Variants in SEC61A2 observed in about 807,000 individuals in gnomAD.
SEC61A2 encodes the protein protein transport protein Sec61 subunit alpha isoform 2.
A neutral mutation model predicts 59.9 loss-of-function variants in SEC61A2; 28 were observed. The observed-to-expected ratio is 0.47, with a 90% CI of 0.35 to 0.64. SEC61A2 has a LOEUF of 0.64. Ranked by LOEUF, SEC61A2 falls within the 30% of genes least tolerant of loss-of-function variation. SEC61A2 has a pLI of 0.01. For missense variants in SEC61A2, 340 were observed against 585.9 expected (o/e 0.58, Z 4.33); for synonymous variants, 202 against 214.4 (o/e 0.94, Z 0.50).
Position 12,165,294 on chromosome 10 carries a change from G to A in SEC61A2, c.*840G>A. ...ATGAATATATTCATGCTAGGAATTT[G>A]TGTCTGTTGTTGTACTCACAGCAGC... On this transcript the variant is annotated 3_prime_UTR_variant, in exon 12 of 12. Transcript: ENST00000298428. 1.0e-6 allele frequency: 1 copy of A among 985,342 alleles called. No individual in the cohort carries two copies. Among genetic ancestry groups the A allele is most frequent in the Non-Finnish European group, 1.2e-6 (1 of 829,882 alleles). The allele number at this position is 985,342 out of a possible 1,614,324, so 61.0% of individuals were successfully genotyped here.
chr10:12,169,464 G>C (rs12572986), downstream of SEC61A2: 278 of 617,058 alleles, frequency 4.5e-4, 1 homozygote, highest in East Asian at 8.1e-3. This position sits in a 1 kb window ranked among gnomAD's most constrained non-coding sequence, Gnocchi z 4.8. Flanking sequence ...TGATGTGATA[G>C]CTAATTATGG....
At position 12,143,273 on chromosome 10, in the gene SEC61A2, A is replaced by G; in HGVS notation, c.220+78A>G. The G allele has an allele frequency of 1.9e-6, 2 of 1,034,386 alleles. No individual in the cohort carries two copies. The highest frequency in any genetic ancestry group is 3.1e-6 in the Non-Finnish European group (2 of 654,150). The allele number at this position is 1,034,386 out of a possible 1,614,324, so 64.1% of individuals were successfully genotyped here. The stretch of plus-strand genomic sequence containing the variant: ...ACATGTGGATTAGCAATGAGTTTTC[A>G]ATGTCTACAGGGAGGGGGAGGATAT... On this transcript the variant is annotated intron_variant, in intron 4 of 11. Transcript: ENST00000298428. The surrounding 1 kb of genome is among the most constrained non-coding windows in gnomAD (Gnocchi z 4.8).
At chr10:12,159,897 T>G (rs1294791768) in intron 9 of SEC61A2, among the ~76,000 whole-genome samples, 2 of 152,158 alleles carry the variant, frequency 1.3e-5, no homozygotes, top group Non-Finnish European at 2.9e-5. Context: ...TGAATGTCAT[T>G]TAAAAAAAAG....
chr10:12,167,619 C>A, downstream of SEC61A2: 1 of 1,335,004 alleles, frequency 7.5e-7, no homozygotes, highest in Non-Finnish European at 1.1e-6. Context: ...GGCAAATCTA[C>A]ATTAAACTAA....
At chr10:12,134,453 G>A (rs1031566947) in intron 2 of SEC61A2, among the ~76,000 whole-genome samples, 2 of 152,234 alleles carry the variant, frequency 1.3e-5, no homozygotes, top group Non-Finnish European at 2.9e-5. Flanking sequence ...AGTGTTCACC[G>A]AATCGCGTGC....
chr10:12,139,738 C>G (rs943007799), intron 3 of SEC61A2, among the ~76,000 whole-genome samples: 1 of 151,996 alleles, frequency 6.6e-6, no homozygotes, highest in African/African-American at 2.4e-5. Context: ...GAGCTGAGAT[C>G]GAGCCACTGC....
At chr10:12,169,478 G>A (rs1223632422), downstream of SEC61A2, 5 of 582,664 alleles carry the variant, frequency 8.6e-6, no homozygotes, top group East Asian at 6.0e-5. This position sits in a 1 kb window ranked among gnomAD's most constrained non-coding sequence, Gnocchi z 4.8. Flanking sequence ...ATTATGGTCC[G>A]CGGAGCCTCA....
rs1834044656 is a variant in SEC61A2, at chr10:12,142,561, G to A, written c.142-556G>A. 1.0e-6 allele frequency: 1 copy of A among 969,680 alleles called. No homozygotes were observed. The allele number at this position is 969,680 out of a possible 1,614,324, so 60.1% of individuals were successfully genotyped here. On this transcript the variant is annotated intron_variant, in intron 3 of 11. Coordinates refer to ENST00000298428, the MANE Select transcript of SEC61A2 (RefSeq NM_018144.4). The surrounding 1 kb of genome is among the most constrained non-coding windows in gnomAD (Gnocchi z 5.4). ...GCTTTGCAAAATCATTCTACGACCA[G>A]GCAGGTATAATATTCCATAATCTAC...
chr10:12,141,992 G>A (rs573142382), intron 3 of SEC61A2, among the ~76,000 whole-genome samples: 3 of 152,200 alleles, frequency 2.0e-5, no homozygotes, highest in Non-Finnish European at 4.4e-5. Context: ...GACAGGGAAA[G>A]GCCTGCATTC....
At chr10:12,148,044 G>A (rs1834185228) in intron 4 of SEC61A2, among the ~76,000 whole-genome samples, 1 of 150,996 alleles carries the variant, frequency 6.6e-6, no homozygotes, top group African/African-American at 2.4e-5. Flanking sequence ...AGGTTCAAGT[G>A]AGTCTTCTGC....
At chr10:12,147,682 A>T (rs1260121150) in intron 4 of SEC61A2, among the ~76,000 whole-genome samples, 1 of 136,462 alleles carries the variant, frequency 7.3e-6, no homozygotes, top group East Asian at 2.1e-4. Flanking sequence ...GACTCTGTCT[A>T]AAAAAAAAAA....
intron 3 of SEC61A2, among the ~76,000 whole-genome samples, chr10:12,137,045 C>A (rs896712806): frequency 7.9e-5 from 12 of 151,984 alleles, no homozygotes; most frequent in Non-Finnish European, 1.8e-4. Context: ...GGATTACAGG[C>A]GTGAGCCACC....
At chr10:12,144,136 C>T (rs1426332079) in intron 4 of SEC61A2, among the ~76,000 whole-genome samples, 3 of 151,940 alleles carry the variant, frequency 2.0e-5, no homozygotes, top group Non-Finnish European at 2.9e-5. Context: ...TACTTTAAAT[C>T]GATGGCAGAT....
Position 12,144,377 on chromosome 10 carries a change from ATATAC to A in SEC61A2, c.220+1186_220+1190del, listed in dbSNP as rs1212494301. ...ATAACTGAAAAGTAAGATGTCCTGTATATACTATTCTGCTACTTTGTTTACTTAAT... is the reference window on the plus strand; with the variant it reads ...ATAACTGAAAAGTAAGATGTCCTGTATATTCTGCTACTTTGTTTACTTAAT... On this transcript the variant is annotated intron_variant, in intron 4 of 11. Transcript: ENST00000298428. Among the ~76,000 whole-genome samples the A allele has an allele frequency of 4.0e-4, 61 of 152,300 alleles. 1 individual carries two copies. The highest frequency in any genetic ancestry group is 1.2e-3 in the African/African-American group (51 of 41,566).
chr10:12,146,734 G>A lies in SEC61A2; in HGVS notation c.221-2861G>A, dbSNP rs1052946912. On this transcript the variant is annotated intron_variant, in intron 4 of 11. Coordinates refer to ENST00000298428, the MANE Select transcript of SEC61A2 (RefSeq NM_018144.4). Reference sequence around the variant, plus strand: ...GGGGTTTCACCATGTTAGCCAGGATGGTCTTGATCTCCTGACCTTGTGATC... The same window carrying A: ...GGGGTTTCACCATGTTAGCCAGGATAGTCTTGATCTCCTGACCTTGTGATC... Among the ~76,000 whole-genome samples the A allele has an allele frequency of 5.3e-5, 8 of 151,600 alleles. No individual in the cohort carries two copies. The South Asian group carries it at 1.7e-3, about 32-fold the overall frequency.
downstream of SEC61A2, chr10:12,167,622 T>A: frequency 7.3e-7 from 1 of 1,367,404 alleles, no homozygotes; most frequent in Non-Finnish European, 1.0e-6. Flanking sequence ...AAATCTACAT[T>A]AAACTAAGTT....
At chr10:12,130,078 A>C (rs185408976) in intron 1 of SEC61A2, among the ~76,000 whole-genome samples, 21 of 152,286 alleles carry the variant, frequency 1.4e-4, no homozygotes, top group Non-Finnish European at 2.9e-4. Context: ...GAGTTAGGGC[A>C]CCGGGTGAAC....
downstream of SEC61A2, chr10:12,167,974 C>CTATAAAG: frequency 1.5e-6 from 2 of 1,297,726 alleles, no homozygotes; most frequent in Non-Finnish European, 2.0e-6. Flanking sequence ...AGAATAAAGA[C>CTATAAAG]TATAAAGGCA....
Position 12,149,161 on chromosome 10 carries a change from C to T in SEC61A2, c.221-434C>T, listed in dbSNP as rs1275399627. On this transcript the variant is annotated intron_variant, in intron 4 of 11. Transcript: ENST00000298428. The surrounding 1 kb of genome is among the most constrained non-coding windows in gnomAD (Gnocchi z 5.2). ...CTGGAGTGCAGTGGCGCAATCTCGG[C>T]TTACTGCAACCTCTGCCTTCCAGGT... Among the ~76,000 whole-genome samples, 1 of 152,172 alleles carries T rather than the reference C, an allele frequency of 6.6e-6. No individual in the cohort carries two copies. The highest frequency in any genetic ancestry group is 1.9e-4 in the East Asian group (1 of 5,142).
Sources: allele counts gnomAD v4.1 joint callset (sites outside exome capture counted in the v4.1 genomes callset), GRCh38; gene constraint gnomAD v4.1.1; non-coding constraint Gnocchi (gnomAD v3.1); transcripts MANE v1.5; gene names NCBI Gene and HGNC (gene_info 2026-07-23, HGNC 2026-07-21).